The following KANSL1 variants were observed in gnomAD, a reference collection of about 807,000 sequenced individuals.
KANSL1 encodes KAT8 regulatory NSL complex subunit 1.
KANSL1 carries 22 observed loss-of-function variants against 103.6 expected under a neutral mutation model. That is an observed-to-expected ratio of 0.21 (90% CI 0.15 to 0.30). The LOEUF (loss-of-function observed/expected upper bound fraction) is 0.30, where lower values mean the gene tolerates loss of function less well. Ranked by LOEUF, KANSL1 falls within the 10% of genes least tolerant of loss-of-function variation. The probability of loss-of-function intolerance (pLI) is 1.00; values close to 1 mark genes in which losing one functional copy is unlikely to be tolerated. For missense variants in KANSL1, 1,337 were observed against 1,399.8 expected (o/e 0.96, Z 0.72); for synonymous variants, 600 against 527.6 (o/e 1.14, Z -1.88).
chr17:46,073,967 T>C (rs1486385816), intron 4 of KANSL1, among the ~76,000 whole-genome samples: 2 of 152,098 alleles, frequency 1.3e-5, no homozygotes, highest in African/African-American at 4.8e-5. Flanking sequence ...TATATATATA[T>C]ACAGGTTAAG....
intron 2 of KANSL1, among the ~76,000 whole-genome samples, chr17:46,124,220 A>C (rs2043413954): frequency 6.6e-6 from 1 of 152,226 alleles, no homozygotes; most frequent in Non-Finnish European, 1.5e-5. Context: ...GCAACACGGC[A>C]AGACCCCGTC....
At chr17:46,124,337 A>C (rs1286350470) in intron 2 of KANSL1, among the ~76,000 whole-genome samples, 2 of 152,276 alleles carry the variant, frequency 1.3e-5, no homozygotes, top group African/African-American at 4.8e-5. Context: ...AGCATGTTTT[A>C]CTGAATATTT....
intron 2 of KANSL1, among the ~76,000 whole-genome samples, chr17:46,103,727 A>G (rs772645808): frequency 7.9e-5 from 12 of 152,134 alleles, no homozygotes; most frequent in Non-Finnish European, 1.0e-4. Context: ...TCTAAACTTG[A>G]TAATTTGACA....
At chr17:46,172,971 A>G (rs1420251541) in intron 1 of KANSL1, among the ~76,000 whole-genome samples, 2 of 152,232 alleles carry the variant, frequency 1.3e-5, no homozygotes, top group Admixed American at 6.5e-5. Flanking sequence ...AGAATAGTAT[A>G]AATAACTGTC....
At chr17:46,173,137 C>A (rs2046365344) in intron 1 of KANSL1, among the ~76,000 whole-genome samples, 1 of 152,220 alleles carries the variant, frequency 6.6e-6, no homozygotes, top group Admixed American at 6.5e-5. Flanking sequence ...TCTTCTAATT[C>A]TTTCCTGATG....
intron 1 of KANSL1, among the ~76,000 whole-genome samples, chr17:46,216,467 C>T (rs530804847): frequency 1.8e-4 from 27 of 151,946 alleles, no homozygotes; most frequent in African/African-American, 4.8e-4. Flanking sequence ...GATGTGGTGG[C>T]GGGCACCTGT....
intron 2 of KANSL1, among the ~76,000 whole-genome samples, chr17:46,106,739 A>G (rs2042584635): frequency 6.6e-6 from 1 of 152,222 alleles, no homozygotes; most frequent in Non-Finnish European, 1.5e-5. Flanking sequence ...GAGGTTTAGC[A>G]ACAGAACCCA....
intron 2 of KANSL1, among the ~76,000 whole-genome samples, chr17:46,100,648 T>G (rs1444579587): frequency 6.6e-6 from 1 of 152,208 alleles, no homozygotes; most frequent in African/African-American, 2.4e-5. Context: ...ATTAGATAAG[T>G]AGCACCAAAA....
chr17:46,136,386 T>C (rs2147320594), intron 2 of KANSL1, among the ~76,000 whole-genome samples: 1 of 152,350 alleles, frequency 6.6e-6, no homozygotes, highest in East Asian at 1.9e-4. Context: ...CATGTTCACA[T>C]ACCCATAATC....
chr17:46,147,574 A>T (rs80103986), intron 2 of KANSL1, among the ~76,000 whole-genome samples: 37 of 58,956 alleles, frequency 6.3e-4, no homozygotes, highest in Admixed American at 1.4e-3. Flanking sequence ...AGACTCTTTA[A>T]AAAAAAAAAA....
At chr17:46,045,802 G>GA (rs2053728543) in intron 7 of KANSL1, 1 of 152,268 alleles carries the variant, frequency 6.6e-6, no homozygotes, top group Non-Finnish European at 1.5e-5. Context: ...AACAGGAGCT[G>GA]AGAGACACAC....
intron 6 of KANSL1, among the ~76,000 whole-genome samples, chr17:46,058,157 A>G (rs2077998305): frequency 6.6e-6 from 1 of 152,204 alleles, no homozygotes; most frequent in Non-Finnish European, 1.5e-5. Context: ...TTACAGAAAA[A>G]GAGCCCCAGA....
At chr17:46,117,216 T>C (rs1286401282) in intron 2 of KANSL1, among the ~76,000 whole-genome samples, 1 of 152,212 alleles carries the variant, frequency 6.6e-6, no homozygotes, top group Non-Finnish European at 1.5e-5. Flanking sequence ...AGAGACTTCA[T>C]GTTAAGAGAT....
intron 1 of KANSL1, among the ~76,000 whole-genome samples, chr17:46,216,051 T>C (rs1311654955): frequency 6.6e-6 from 1 of 151,058 alleles, no homozygotes; most frequent in Non-Finnish European, 1.5e-5. Context: ...ATAGTAATAA[T>C]AATAATAAAA....
intron 6 of KANSL1, among the ~76,000 whole-genome samples, chr17:46,065,136 C>CTT (rs369694354): frequency 0.15 from 21,124 of 142,936 alleles, 2,055 homozygotes; most frequent in Middle Eastern, 0.22. Context: ...CCACAGCAGG[C>CTT]TTTTTTTTTT....
intron 6 of KANSL1, among the ~76,000 whole-genome samples, chr17:46,057,330 T>G (rs1171856750): frequency 6.6e-6 from 1 of 152,174 alleles, no homozygotes; most frequent in East Asian, 1.9e-4. Context: ...AACTAATTTG[T>G]TATTTTGAAA....
intron 1 of KANSL1, among the ~76,000 whole-genome samples, chr17:46,179,329 CCAGT>C (rs1291153071): frequency 2.6e-5 from 4 of 152,180 alleles, no homozygotes; most frequent in Non-Finnish European, 5.9e-5. Context: ...TCATTTATTC[CCAGT>C]CAATTTCCAA....
intron 3 of KANSL1, among the ~76,000 whole-genome samples, chr17:46,088,991 T>C (rs1447030303): frequency 1.4e-5 from 2 of 147,804 alleles, no homozygotes; most frequent in Non-Finnish European, 3.1e-5. Flanking sequence ...CAGCAAAGTA[T>C]GTTAGAAAAA....
intron 2 of KANSL1, among the ~76,000 whole-genome samples, chr17:46,147,848 AG>A (rs1487505300): frequency 3.9e-5 from 6 of 152,232 alleles, no homozygotes; most frequent in Admixed American, 2.6e-4. Context: ...ATAGAATCAC[AG>A]GCAAAACCCT....
Sources: allele counts gnomAD v4.1 joint callset (sites outside exome capture counted in the v4.1 genomes callset), GRCh38; gene constraint gnomAD v4.1.1; transcripts MANE v1.5; gene names NCBI Gene and HGNC (gene_info 2026-07-23, HGNC 2026-07-21).